The following KSR2 variants were observed in gnomAD, a reference collection of about 807,000 sequenced individuals.
The protein encoded by KSR2 is kinase suppressor of ras 2.
A neutral mutation model predicts 107.8 loss-of-function variants in KSR2; 25 were observed. The observed-to-expected ratio is 0.23, with a 90% CI of 0.17 to 0.32. The LOEUF is 0.32. KSR2 is among the 10% of genes least tolerant of loss of function. KSR2 has a pLI of 1.00. For synonymous variants in KSR2, 480 were observed against 507.0 expected, an observed-to-expected ratio of 0.95 and a Z score of 0.71; for missense variants, 887 against 1,268.9, an observed-to-expected ratio of 0.70 and a Z score of 4.57.
Position 117,694,999 on chromosome 12 carries a change from C to G in KSR2, c.987-27341G>C, listed in dbSNP as rs528621518. On this transcript the variant is annotated intron_variant, in intron 4 of 19. Transcript: ENST00000339824. ...CCGAGTAGCTGGGACGACAGGTGCA[C>G]GCCACCACACCCAGCTAATTTTTGT... Among the ~76,000 whole-genome samples the G allele has an allele frequency of 1.7e-4, 26 of 151,950 alleles. No homozygotes were observed. In the South Asian group the frequency reaches 5.4e-3, roughly 32 times the overall value.
At chr12:117,701,872 T>C (rs1409952052) in intron 4 of KSR2, among the ~76,000 whole-genome samples, 2 of 152,190 alleles carry the variant, frequency 1.3e-5, no homozygotes, top group Non-Finnish European at 2.9e-5. Context: ...GGAAGGAGCA[T>C]GGACCTGCTA....
intron 14 of KSR2, among the ~76,000 whole-genome samples, chr12:117,488,749 T>A (rs1000776538): frequency 6.6e-6 from 1 of 150,542 alleles, no homozygotes; most frequent in East Asian, 2.0e-4. Flanking sequence ...CAGGCTGGAG[T>A]GCAGTGGCGC....
chr12:117,959,829 G>A (rs947448496), intron 1 of KSR2, among the ~76,000 whole-genome samples: 1 of 151,930 alleles, frequency 6.6e-6, no homozygotes, highest in Non-Finnish European at 1.5e-5. Flanking sequence ...TACTTGGGAG[G>A]CTGAAGTGGG....
At chr12:117,600,071 C>G (rs1399401714) in intron 5 of KSR2, among the ~76,000 whole-genome samples, 2 of 152,160 alleles carry the variant, frequency 1.3e-5, no homozygotes. Context: ...AGAGCAGCCA[C>G]CACTCCCAGC....
chr12:117,640,761 G>A (rs1883319211), intron 5 of KSR2, among the ~76,000 whole-genome samples: 1 of 152,092 alleles, frequency 6.6e-6, no homozygotes, highest in South Asian at 2.1e-4. Context: ...CCAGAGCAAT[G>A]GGCCATTTTG....
In KSR2 at chr12:117,558,527, G is replaced by A. The variant is rs1442288200; in HGVS notation, c.1372C>T (p.Leu458Phe). ...KCTKEAPPCH[L>F]LIIHRGDPAR... ...TTACCTCCTCGGTGGATGATCAGAA[G>A]ATGACAGGGTGGGGCTTCTTTGGTG... The change falls in exon 8 of 20, where the codon CTT (leucine) becomes TTT (phenylalanine). Residue 458 changes from leucine to phenylalanine, a missense_variant. Around this residue, in one of 8 missense-constraint regions of KSR2, gnomAD observed 60 missense variants for 77.5 expected, o/e 0.77. Transcript: ENST00000339824. 2.5e-6 allele frequency: 4 copies of A among 1,613,830 alleles called. No individual in the cohort carries two copies. The highest frequency in any genetic ancestry group is 1.3e-5 in the African/African-American group (1 of 74,902).
intron 7 of KSR2, among the ~76,000 whole-genome samples, chr12:117,559,683 T>C (rs1877975660): frequency 1.3e-5 from 2 of 152,214 alleles, no homozygotes; most frequent in African/African-American, 2.4e-5. Context: ...AGAATGATAA[T>C]GTCTTCCTTT....
intron 4 of KSR2, among the ~76,000 whole-genome samples, chr12:117,709,457 G>T (rs186902757): frequency 2.0e-5 from 3 of 152,242 alleles, no homozygotes; most frequent in Admixed American, 2.0e-4. Context: ...CAGAGTAGCT[G>T]GGTCTATGGG....
chr12:117,600,427 G>C (rs1413611136), intron 5 of KSR2, among the ~76,000 whole-genome samples: 1 of 152,190 alleles, frequency 6.6e-6, no homozygotes, highest in Non-Finnish European at 1.5e-5. Context: ...ATTTTCCACA[G>C]AGTTTGGCTC....
At chr12:117,717,710 T>TGCGCGC (rs1437214692) in intron 4 of KSR2, among the ~76,000 whole-genome samples, 21 of 129,950 alleles carry the variant, frequency 1.6e-4, no homozygotes, top group African/African-American at 6.8e-4. Context: ...TGTGTGTGTG[T>TGCGCGC]GTGCATGCGC....
intron 3 of KSR2, among the ~76,000 whole-genome samples, chr12:117,793,941 ACAC>A (rs1890436538): frequency 1.5e-5 from 2 of 131,122 alleles, no homozygotes; most frequent in Admixed American, 7.7e-5. Context: ...ATGCACACAT[ACAC>A]CAACATGCGC....
intron 1 of KSR2, among the ~76,000 whole-genome samples, chr12:117,882,742 C>T (rs550435725): frequency 2.6e-5 from 4 of 152,002 alleles, no homozygotes; most frequent in South Asian, 4.2e-4. Flanking sequence ...CCCAACCACC[C>T]ATCCATCCAT....
chr12:117,765,137 CAAGTT>C (rs1889181111), intron 3 of KSR2, among the ~76,000 whole-genome samples: 1 of 152,210 alleles, frequency 6.6e-6, no homozygotes, highest in Non-Finnish European at 1.5e-5. Flanking sequence ...AACAGAGAAT[CAAGTT>C]AAGACAAGTT....
At chr12:117,581,068 A>G (rs1181318994) in intron 6 of KSR2, among the ~76,000 whole-genome samples, 1 of 152,196 alleles carries the variant, frequency 6.6e-6, no homozygotes, top group Non-Finnish European at 1.5e-5. Flanking sequence ...AGGCCTGACC[A>G]TTGACGTGTC....
At chr12:117,965,535 A>T (rs533671091) in intron 1 of KSR2, among the ~76,000 whole-genome samples, 56 of 152,344 alleles carry the variant, frequency 3.7e-4, no homozygotes, top group African/African-American at 1.1e-3. Flanking sequence ...TTGTTTCTAC[A>T]GAAGTGTATA....
At chr12:117,506,795 A>T (rs1034215038) in intron 14 of KSR2, among the ~76,000 whole-genome samples, 1 of 152,182 alleles carries the variant, frequency 6.6e-6, no homozygotes. Context: ...GCCTGGAGAT[A>T]TATATATGTC....
At chr12:117,805,428 C>T (rs1428511112) in intron 3 of KSR2, among the ~76,000 whole-genome samples, 2 of 152,292 alleles carry the variant, frequency 1.3e-5, no homozygotes, top group Non-Finnish European at 2.9e-5. Context: ...TACTGCCTGC[C>T]TCTGAGCCTC....
intron 7 of KSR2, among the ~76,000 whole-genome samples, chr12:117,567,937 T>C (rs151313639): frequency 3.0e-3 from 459 of 151,110 alleles, no homozygotes; most frequent in African/African-American, 0.01. Flanking sequence ...TGCCTCCGTA[T>C]GCTCCAAGTA....
At chr12:117,676,965 T>C (rs1239859340) in intron 4 of KSR2, among the ~76,000 whole-genome samples, 1 of 152,144 alleles carries the variant, frequency 6.6e-6, no homozygotes, top group Non-Finnish European at 1.5e-5. Flanking sequence ...ACTTGAATTC[T>C]CAAACACACA....
Sources: gnomAD v4.1 joint callset for allele counts (sites outside exome capture counted in the v4.1 genomes callset) on GRCh38, gnomAD v4.1.1 for gene constraint, gnomAD v4.1.1 regional missense constraint, MANE v1.5 for transcripts, NCBI Gene and HGNC (gene_info 2026-07-23, HGNC 2026-07-21) for gene names.